Variants in ZNF529 observed in about 807,000 individuals in gnomAD.
The protein encoded by ZNF529 is zinc finger protein 529.
ZNF529 carries 11 observed loss-of-function variants against 10.1 expected under a neutral mutation model. The ratio of observed to expected loss-of-function variants is 1.09; its 90% CI spans 0.69 to 1.81. The LOEUF (loss-of-function observed/expected upper bound fraction) is 1.81, where lower values mean the gene tolerates loss of function less well. ZNF529 is among the 40% of genes most tolerant of loss of function. The probability of loss-of-function intolerance (pLI) is 0.00; values close to 1 mark genes in which losing one functional copy is unlikely to be tolerated. For missense variants in ZNF529, 624 were observed against 666.8 expected (o/e 0.94, Z 0.71); for synonymous variants, 204 against 215.7 (o/e 0.95, Z 0.47).
chr19:36,559,873 T>G (rs904993544), intron 2 of ZNF529, among the ~76,000 whole-genome samples: 1 of 152,202 alleles, frequency 6.6e-6, no homozygotes, highest in Non-Finnish European at 1.5e-5. Context: ...ACTGAATTTA[T>G]TGCTAGCTGA....
upstream of ZNF529, among the ~76,000 whole-genome samples, chr19:36,575,998 G>A (rs1332587123): frequency 6.6e-6 from 1 of 151,956 alleles, no homozygotes; most frequent in Non-Finnish European, 1.5e-5. Context: ...ACAGGCACCC[G>A]CCACCACACC....
At chr19:36,550,045 G>A (rs1031346200) in intron 4 of ZNF529, among the ~76,000 whole-genome samples, 5 of 152,128 alleles carry the variant, frequency 3.3e-5, no homozygotes, top group African/African-American at 9.7e-5. Context: ...TCATCTGGAG[G>A]CCAACAGTGA....
rs1222234971 is a variant in ZNF529 at position 36,544,219 on chromosome 19, GAGTA to G, written c.*2643_*2646del. 2 of 152,088 alleles carry G rather than the reference GAGTA, an allele frequency of 1.3e-5. No homozygotes were observed. Among genetic ancestry groups the G allele is most frequent in the Non-Finnish European group, 2.9e-5 (2 of 68,014 alleles). The allele number at this position is 152,088 out of a possible 1,614,324, so 9.4% of individuals were successfully genotyped here. On this transcript the variant is annotated 3_prime_UTR_variant, in exon 5 of 5. Transcript: ENST00000591340. Reference sequence around the variant, plus strand: ...CCAATAATAATTATATTATGGTTTCGAGTAAGTGTGAAATGCCATAAGTTCATTA... The same window carrying G: ...CCAATAATAATTATATTATGGTTTCGAGTGTGAAATGCCATAAGTTCATTA...
intron 2 of ZNF529, chr19:36,587,483 C>T (rs1402693510): frequency 6.6e-6 from 1 of 152,036 alleles, no homozygotes; most frequent in Non-Finnish European, 1.5e-5. Context: ...ATAATGTTAG[C>T]GTATAATCTC....
chr19:36,588,663 G>C (rs1232223960), intron 2 of ZNF529, among the ~76,000 whole-genome samples: 2 of 152,058 alleles, frequency 1.3e-5, no homozygotes, highest in African/African-American at 4.8e-5. Flanking sequence ...ACAAATATTA[G>C]GGAAATGGAA....
At chr19:36,563,116 C>CA (rs1351034822) in intron 2 of ZNF529, among the ~76,000 whole-genome samples, 1 of 151,912 alleles carries the variant, frequency 6.6e-6, no homozygotes, top group Non-Finnish European at 1.5e-5. Context: ...GCAGCACAAA[C>CA]AGACTAAGAA....
chr19:36,574,230 A>T (rs1265548850), upstream of ZNF529, among the ~76,000 whole-genome samples: 4 of 152,174 alleles, frequency 2.6e-5, no homozygotes, highest in Non-Finnish European at 5.9e-5. Flanking sequence ...TTCCCTCCGG[A>T]AAGGCGGGAC....
intron 2 of ZNF529, among the ~76,000 whole-genome samples, chr19:36,560,696 T>C (rs751895457): frequency 2.0e-5 from 3 of 152,088 alleles, no homozygotes; most frequent in African/African-American, 4.8e-5. Flanking sequence ...TAAGAGAAGA[T>C]GAAAGGAAAT....
At chr19:36,559,123 A>T (rs951081720) in intron 2 of ZNF529, among the ~76,000 whole-genome samples, 4 of 152,178 alleles carry the variant, frequency 2.6e-5, no homozygotes, top group African/African-American at 9.6e-5. Flanking sequence ...CAAAAAGACA[A>T]GAAAGAAAAA....
chr19:36,554,850 A>G, intron 3 of ZNF529, 54 bp from the exon 4 acceptor site: 11 of 1,449,746 alleles, frequency 7.6e-6, no homozygotes, highest in Non-Finnish European at 9.2e-6. Context: ...TATTTTTGAG[A>G]AAAAGACAAG....
chr19:36,561,353 G>A (rs550722854), intron 2 of ZNF529, among the ~76,000 whole-genome samples: 1 of 151,830 alleles, frequency 6.6e-6, no homozygotes, highest in African/African-American at 2.4e-5. Context: ...TGCACAAGAT[G>A]TGGAAGCATG....
intron 2 of ZNF529, among the ~76,000 whole-genome samples, chr19:36,569,982 T>G (rs778605553): frequency 1.3e-5 from 2 of 152,118 alleles, no homozygotes; most frequent in African/African-American, 4.8e-5. Flanking sequence ...AATACCTGTA[T>G]CCATCTGACT....
In ZNF529 at chr19:36,546,081, A is replaced by ATATATATATATATATAGT. The variant is rs2035005521; in HGVS notation, c.*784_*785insACTATATATATATATATA. ...TGTGTGTATATATATATATATATAT[A>ATATATATATATATATAGT]GTGTGTTATGTAGTGCATGTGTGGG... On this transcript the variant is annotated 3_prime_UTR_variant, in exon 5 of 5. Transcript: ENST00000591340. 1 of 142,948 alleles carries ATATATATATATATATAGT rather than the reference A, an allele frequency of 7.0e-6. No homozygotes were observed. The highest frequency in any genetic ancestry group is 1.5e-5 in the Non-Finnish European group (1 of 65,132). The allele number at this position is 142,948 out of a possible 1,614,324, so 8.9% of individuals were successfully genotyped here.
In ZNF529 at chr19:36,547,150, T is replaced by C. The variant is rs751768594; in HGVS notation, c.1408A>G (p.Arg470Gly). ...TAAGGTTTCTCACCACTATGAATTCTTTGATGTTGAATAAGGGCTGACGTA... is the reference window on the plus strand; with the variant it reads ...TAAGGTTTCTCACCACTATGAATTCCTTGATGTTGAATAAGGGCTGACGTA... ...RLTSALIQHQ[R>G]IHSGEKPYEC... The change falls in exon 5 of 5, where the codon AGA becomes GGA. Residue 470 changes from arginine to glycine, a missense_variant. Physicochemically the swap from Arg to Gly is moderately radical, Grantham distance 125. Coordinates refer to ENST00000591340, the MANE Select transcript of ZNF529 (RefSeq NM_020951.5). The C allele has an allele frequency of 3.7e-6, 6 of 1,613,998 alleles. No individual in the cohort carries two copies. In the East Asian group the frequency reaches 6.7e-5, roughly 18 times the overall value.
At chr19:36,548,408 T>A in intron 4 of ZNF529, 86 bp from the exon 5 acceptor site, 1 of 1,272,488 alleles carries the variant, frequency 7.9e-7, no homozygotes, top group Non-Finnish European at 1.1e-6. Flanking sequence ...TAATTCACCA[T>A]ATACATGAAT....
At chr19:36,577,179 G>T (rs2912410), upstream of ZNF529, 518 of 453,374 alleles carry the variant, frequency 1.1e-3, 2 homozygotes, top group African/African-American at 8.7e-3. Flanking sequence ...GGGCTGGTCT[G>T]GAACTCCTGA....
At chr19:36,582,768 A>C (rs1167092515) in intron 2 of ZNF529, 2 of 151,888 alleles carry the variant, frequency 1.3e-5, no homozygotes, top group Admixed American at 1.3e-4. Context: ...AAAGCAGACC[A>C]TTAAGAAAAT....
At chr19:36,598,047 A>G (rs986268128) in intron 1 of ZNF529, among the ~76,000 whole-genome samples, 2 of 152,180 alleles carry the variant, frequency 1.3e-5, no homozygotes, top group African/African-American at 4.8e-5. Context: ...ACACGTTCCT[A>G]GAGGGTCTTG....
chr19:36,558,256 T>C (rs2035555108), intron 2 of ZNF529, among the ~76,000 whole-genome samples: 1 of 152,044 alleles, frequency 6.6e-6, no homozygotes, highest in African/African-American at 2.4e-5. Flanking sequence ...ATTTAAAATT[T>C]ACAAAGAAAT....
Sources: allele counts gnomAD v4.1 joint callset (sites outside exome capture counted in the v4.1 genomes callset), GRCh38; gene constraint gnomAD v4.1.1; transcripts MANE v1.5; gene names NCBI Gene and HGNC (gene_info 2026-07-23, HGNC 2026-07-21).